Variants in MROH2A observed in about 807,000 individuals in gnomAD.
The protein encoded by MROH2A is maestro heat like repeat family member 2A.
MROH2A carries 174 observed loss-of-function variants against 200.4 expected under a neutral mutation model. The observed-to-expected ratio is 0.87, with a 90% confidence interval of 0.77 to 0.98. The LOEUF is 0.98. MROH2A is among the 50% of genes least tolerant of loss of function. The pLI is 0.00. For synonymous variants in MROH2A, 829 were observed against 840.4 expected, an observed-to-expected ratio of 0.99 and a Z score of 0.23; for missense variants, 2,045 against 2,139.6, an observed-to-expected ratio of 0.96 and a Z score of 0.87.
chr2:233,798,446 GTGCCCACTGCA>G (rs974939664), intron 11 of MROH2A, among the ~76,000 whole-genome samples: 8 of 152,174 alleles, frequency 5.3e-5, no homozygotes, highest in African/African-American at 1.9e-4. Flanking sequence ...CAACCTCTGT[GTGCCCACTGCA>G]TGCCCACTTC....
Position 233,803,508 on chromosome 2 carries a change from C to G in MROH2A, c.1749+20C>G. 1 of 1,550,132 alleles carries G rather than the reference C, an allele frequency of 6.5e-7. No individual in the cohort carries two copies. Among genetic ancestry groups the G allele is most frequent in the Non-Finnish European group, 8.7e-7 (1 of 1,146,914 alleles). On this transcript the variant is annotated intron_variant, in intron 16 of 41. Coordinates refer to ENST00000389758, the MANE Select transcript of MROH2A (RefSeq NM_001394639.1). ...CTCCTGGTGAGTGGCTGACCTGCACCATGCCCTGGCCTGGCAAGGCCATGC... is the reference window on the plus strand; with the variant it reads ...CTCCTGGTGAGTGGCTGACCTGCACGATGCCCTGGCCTGGCAAGGCCATGC...
In MROH2A at chr2:233,779,749, T is replaced by C; in HGVS notation, c.173T>C (p.Leu58Pro). The C allele has an allele frequency of 6.4e-7, 1 of 1,551,062 alleles. No homozygotes were observed. Among genetic ancestry groups the C allele is most frequent in the Non-Finnish European group, 8.7e-7 (1 of 1,147,086 alleles). Residue 58 changes from leucine to proline, a missense_variant, in exon 3 of 42, where the codon CTT (leucine) becomes CCT (proline). Coordinates refer to ENST00000389758, the MANE Select transcript of MROH2A (RefSeq NM_001394639.1). ...AAGACGGACACAACAGGGGCAGGCCTTGACATGCGGAAGACCCTGGCCTCG... is the reference window on the plus strand; with the variant it reads ...AAGACGGACACAACAGGGGCAGGCCCTGACATGCGGAAGACCCTGGCCTCG... ...SAKTDTTGAG[L>P]DMRKTLASVI... is the part of the protein sequence containing the mutation.
chr2:233,789,487 T>G lies in MROH2A; in HGVS notation c.277-10T>G. Reference sequence around the variant, plus strand: ...TGAGGTCCATTCCACCCACCATACTTGTTTCCCAGATTTCCACCCAGCGCA... The same window carrying G: ...TGAGGTCCATTCCACCCACCATACTGGTTTCCCAGATTTCCACCCAGCGCA... On this transcript the variant is annotated splice_polypyrimidine_tract_variant and intron_variant, in intron 3 of 41. Coordinates refer to ENST00000389758, the MANE Select transcript of MROH2A (RefSeq NM_001394639.1). 7.1e-7 allele frequency: 1 copy of G among 1,411,238 alleles called. No individual in the cohort carries two copies. The highest frequency in any genetic ancestry group is 9.3e-7 in the Non-Finnish European group (1 of 1,076,790). 87.4% of individuals were successfully genotyped at this position (1,411,238 alleles called of 1,614,324 possible).
chr2:233,786,817 C>A (rs1402148238), intron 3 of MROH2A, among the ~76,000 whole-genome samples: 1 of 152,096 alleles, frequency 6.6e-6, no homozygotes, highest in Non-Finnish European at 1.5e-5. Flanking sequence ...AATTAACATG[C>A]ATCAAAGATT....
rs1020571421 is a variant in MROH2A, at chr2:233,830,171, C to T, written c.4602+396C>T. On this transcript the variant is annotated intron_variant, in intron 38 of 41. Transcript: ENST00000389758. ...CTGCAGGCCCATGTTGGGATGGGAGCGGGCCTGGCTTCTCCCTCTCCACAG... is the reference window on the plus strand; with the variant it reads ...CTGCAGGCCCATGTTGGGATGGGAGTGGGCCTGGCTTCTCCCTCTCCACAG... Among the ~76,000 whole-genome samples, 18 of 152,332 alleles carry T rather than the reference C, an allele frequency of 1.2e-4. No individual in the cohort carries two copies. In the East Asian group the frequency reaches 2.9e-3, roughly 25 times the overall value.
chr2:233,800,002 C>A (rs112734239), intron 13 of MROH2A, 103 bp downstream of exon 13: 3 of 1,431,052 alleles, frequency 2.1e-6, no homozygotes, highest in Non-Finnish European at 2.8e-6. Context: ...TTCAAACCTG[C>A]GTATCCATTC....
chr2:233,816,103 C>T (rs1315574743), intron 26 of MROH2A, among the ~76,000 whole-genome samples: 1 of 152,082 alleles, frequency 6.6e-6, no homozygotes, highest in East Asian at 1.9e-4. Flanking sequence ...TTTTGTTGCC[C>T]AGATACCATC....
Position 233,793,911 on chromosome 2 carries a change from C to T in MROH2A, c.822+87C>T, listed in dbSNP as rs1001105755. 7.2e-6 allele frequency: 9 copies of T among 1,252,812 alleles called. No homozygotes were observed. The South Asian group carries it at 7.4e-5, about 10-fold the overall frequency. The allele number at this position is 1,252,812 out of a possible 1,614,324, so 77.6% of individuals were successfully genotyped here. ...GGGCCGGGAGGTGCTGAGGGACCGT[C>T]GGGTCCACACTTACTCCCAGGACCC... On this transcript the variant is annotated intron_variant, in intron 7 of 41. Transcript: ENST00000389758.
intron 3 of MROH2A, among the ~76,000 whole-genome samples, chr2:233,784,777 A>C (rs1240716051): frequency 1.3e-5 from 2 of 152,208 alleles, no homozygotes; most frequent in African/African-American, 2.4e-5. Flanking sequence ...CATGAACCAA[A>C]ATAAACCACT....
At chr2:233,788,712 C>T (rs1160226025) in intron 3 of MROH2A, among the ~76,000 whole-genome samples, 2 of 151,598 alleles carry the variant, frequency 1.3e-5, no homozygotes, top group Non-Finnish European at 2.9e-5. Flanking sequence ...CCGAGGCCGG[C>T]AGATCACGAG....
intron 35 of MROH2A, among the ~76,000 whole-genome samples, chr2:233,827,329 C>G (rs7560036): frequency 0.031 from 4,751 of 152,260 alleles, 255 homozygotes; most frequent in African/African-American, 0.11. Flanking sequence ...CCCAAATGCC[C>G]ATCAATGATA....
chr2:233,791,829 A>T (rs1575922509), intron 5 of MROH2A, among the ~76,000 whole-genome samples: 2 of 151,956 alleles, frequency 1.3e-5, no homozygotes, highest in African/African-American at 4.8e-5. Flanking sequence ...CTTGCTGGGG[A>T]TAAAGGCCTG....
rs930322922 is a variant in MROH2A, at chr2:233,779,331, G to A, written c.-14-14G>A. The A allele has an allele frequency of 1.1e-5, 16 of 1,489,726 alleles. No homozygotes were observed. The highest frequency in any genetic ancestry group is 7.0e-5 in the African/African-American group (5 of 71,810). 92.3% of individuals were successfully genotyped at this position (1,489,726 alleles called of 1,614,324 possible). On this transcript the variant is annotated splice_polypyrimidine_tract_variant and intron_variant, in intron 1 of 41. Coordinates refer to ENST00000389758, the MANE Select transcript of MROH2A (RefSeq NM_001394639.1). ...TCACACCCCGTATTTTACAAATTCT[G>A]TTGATCTCAAAAGAGCTTGAGGAAG...
intron 9 of MROH2A, 60 bp downstream of exon 9, chr2:233,795,805 G>A: frequency 6.4e-7 from 1 of 1,550,406 alleles, no homozygotes; most frequent in South Asian, 1.2e-5. Flanking sequence ...CAGGAAGCTG[G>A]CGGCGGGAGG....
intron 14 of MROH2A, 134 bp downstream of exon 14, chr2:233,800,449 G>C (rs1002496606): frequency 1.1e-5 from 7 of 614,910 alleles, no homozygotes; most frequent in African/African-American, 9.3e-5. Flanking sequence ...TCCTCTTCCA[G>C]TTGCCTGGAA....
intron 35 of MROH2A, among the ~76,000 whole-genome samples, chr2:233,825,772 GTTTTC>G (rs1704261254): frequency 6.6e-6 from 1 of 152,114 alleles, no homozygotes; most frequent in African/African-American, 2.4e-5. Flanking sequence ...TTGGCCTGAA[GTTTTC>G]TTTTTTTTGT....
intron 19 of MROH2A, 46 bp downstream of exon 19, chr2:233,805,157 C>A (rs765338862): frequency 7.5e-7 from 1 of 1,333,436 alleles, no homozygotes; most frequent in Non-Finnish European, 1.0e-6. Flanking sequence ...GAGTAGACTC[C>A]AGGGGTGAGG....
chr2:233,832,406 A>C, intron 40 of MROH2A, 127 bp downstream of exon 40: 2 of 971,954 alleles, frequency 2.1e-6, no homozygotes, highest in Non-Finnish European at 3.1e-6. Flanking sequence ...GCTCAGGTCT[A>C]AGCCCTGCAC....
chr2:233,792,551 G>C (rs1004321644), intron 5 of MROH2A, among the ~76,000 whole-genome samples: 4 of 152,066 alleles, frequency 2.6e-5, no homozygotes, highest in Non-Finnish European at 4.4e-5. Context: ...CTGACCTCGT[G>C]ATCCGCCCAC....
Sources: allele counts gnomAD v4.1 joint callset (sites outside exome capture counted in the v4.1 genomes callset), GRCh38; gene constraint gnomAD v4.1.1; transcripts MANE v1.5; gene names NCBI Gene and HGNC (gene_info 2026-07-23, HGNC 2026-07-21).